Variants in MSH3 observed in about 807,000 individuals in gnomAD.
MSH3 encodes DNA mismatch repair protein Msh3.
Under a neutral mutation model 123.3 loss-of-function variants are expected in MSH3, and 106 were observed. The observed-to-expected ratio is 0.86, with a 90% CI of 0.73 to 1.01. The LOEUF (loss-of-function observed/expected upper bound fraction) is 1.01, where lower values mean the gene tolerates loss of function less well. Ranked by LOEUF, MSH3 falls within the 50% of genes least tolerant of loss-of-function variation. The probability of loss-of-function intolerance (pLI) is 0.00; values close to 1 mark genes in which losing one functional copy is unlikely to be tolerated. For missense variants in MSH3, 1,459 were observed against 1,347.6 expected (o/e 1.08, Z -1.29); for synonymous variants, 515 against 481.4 (o/e 1.07, Z -0.91).
In MSH3 at chr5:80,866,246, C is replaced by T. The variant is rs547317125; in HGVS notation, c.3130+1304C>T. 9.2e-5 allele frequency among the ~76,000 whole-genome samples: 14 copies of T among 152,246 alleles called. No homozygotes were observed. The East Asian group carries it at 2.7e-3, about 29-fold the overall frequency. On this transcript the variant is annotated intron_variant, in intron 22 of 23. Coordinates refer to ENST00000265081, the MANE Select transcript of MSH3 (RefSeq NM_002439.5). ...CACAACCTCCCAGGCCCAGGTGATC[C>T]TCCCATGTCAGCCTCCCCGGTAGCT...
chr5:80,808,884 C>CTATATATATATATATATATATATAT (rs1561485262), intron 19 of MSH3, among the ~76,000 whole-genome samples: 2 of 118,676 alleles, frequency 1.7e-5, no homozygotes, highest in African/African-American at 3.0e-5. Flanking sequence ...TATATATATA[C>CTATATATATATATATATATATATAT]ACAATCTAAA....
At chr5:80,806,562 C>A (rs932506900) in intron 19 of MSH3, among the ~76,000 whole-genome samples, 3 of 152,088 alleles carry the variant, frequency 2.0e-5, no homozygotes, top group Non-Finnish European at 4.4e-5. Context: ...CTGTTCTGAA[C>A]TCTTATTTTT....
intron 20 of MSH3, among the ~76,000 whole-genome samples, chr5:80,833,178 T>G (rs1745449224): frequency 6.6e-6 from 1 of 152,098 alleles, no homozygotes; most frequent in South Asian, 2.1e-4. Flanking sequence ...CAGCTGCCAC[T>G]CCTAAAAATA....
chr5:80,821,157 A>G (rs1410939156), intron 20 of MSH3, among the ~76,000 whole-genome samples: 1 of 152,200 alleles, frequency 6.6e-6, no homozygotes, highest in Admixed American at 6.5e-5. Context: ...TCCCATCTCT[A>G]TGACACTTTG....
intron 22 of MSH3, among the ~76,000 whole-genome samples, chr5:80,870,387 G>A (rs1033378892): frequency 1.4e-4 from 21 of 152,054 alleles, no homozygotes; most frequent in African/African-American, 5.1e-4. Flanking sequence ...CACAGTTGAA[G>A]TGATAAACTA....
Position 80,654,729 on chromosome 5 carries a change from TGTCTCGCCGGAAGCCTGCGTCGG to T in MSH3, c.4_26del (p.Ser2_?9), listed in dbSNP as rs1749185007. 1 of 1,598,482 alleles carries T rather than the reference TGTCTCGCCGGAAGCCTGCGTCGG, an allele frequency of 6.3e-7. No homozygotes were observed. The highest frequency in any genetic ancestry group is 1.7e-5 in the Admixed American group (1 of 58,852). On this transcript the variant is annotated frameshift_variant and start_lost, in exon 1 of 24. Coordinates refer to ENST00000265081, the MANE Select transcript of MSH3 (RefSeq NM_002439.5). LOFTEE classifies it high-confidence loss of function. The stretch of plus-strand genomic sequence containing the variant: ...CCGGGCTGCCATCCTTGCCCTGCCA[TGTCTCGCCGGAAGCCTGCGTCGG>T]GCGGCCTCGCTGCCTCCAGCTCAGC...
chr5:80,725,690 A>C, intron 9 of MSH3, 125 bp downstream of exon 9: 2 of 730,282 alleles, frequency 2.7e-6, no homozygotes, highest in Non-Finnish European at 2.4e-6. Flanking sequence ...AGAAGAGCTC[A>C]CTGTTGTTGT....
intron 3 of MSH3, among the ~76,000 whole-genome samples, chr5:80,666,705 C>T (rs1749582301): frequency 6.6e-6 from 1 of 152,070 alleles, no homozygotes; most frequent in African/African-American, 2.4e-5. Flanking sequence ...AGAGGGGGCA[C>T]GTAGAAGCAG....
At chr5:80,682,322 GGTT>G (rs1749990784) in intron 8 of MSH3, among the ~76,000 whole-genome samples, 5 of 152,082 alleles carry the variant, frequency 3.3e-5, no homozygotes, top group Admixed American at 2.6e-4. Flanking sequence ...TACCTCATGG[GGTT>G]GTTGTGAGGA....
At position 80,854,268 on chromosome 5, in the gene MSH3, T is replaced by G; in HGVS notation, c.2952T>G (p.His984Gln). Residue 984 changes from histidine to glutamine, a missense_variant, in exon 21 of 24, where the codon CAT becomes CAG. His to Gln is a conservative substitution (Grantham distance 24). Transcript: ENST00000265081. ...LDELGRGTST[H>Q]DGIAIAYATL... ...AACTAGGAAGAGGGACGAGCACTCA[T>G]GATGGAATTGCCATTGCCTATGCTA... 6.2e-7 allele frequency: 1 copy of G among 1,613,994 alleles called. No homozygotes were observed. Among genetic ancestry groups the G allele is most frequent in the Non-Finnish European group, 8.5e-7 (1 of 1,179,928 alleles).
intron 20 of MSH3, among the ~76,000 whole-genome samples, chr5:80,817,118 T>A (rs75325392): frequency 0.013 from 2,003 of 152,164 alleles, 42 homozygotes; most frequent in African/African-American, 0.046. Context: ...GATTTCATAG[T>A]TGAGTAAGAA....
chr5:80,817,180 A>G (rs1193734911), intron 20 of MSH3, among the ~76,000 whole-genome samples: 1 of 152,216 alleles, frequency 6.6e-6, no homozygotes, highest in Non-Finnish European at 1.5e-5. Context: ...CAGGAGAGAA[A>G]AACAGGACAT....
intron 19 of MSH3, among the ~76,000 whole-genome samples, chr5:80,809,437 C>CT (rs2112048323): frequency 6.6e-6 from 1 of 152,278 alleles, no homozygotes; most frequent in East Asian, 1.9e-4. Context: ...TATAAATACT[C>CT]TTATCTTTCA....
intron 15 of MSH3, among the ~76,000 whole-genome samples, chr5:80,771,519 A>G (rs1744213176): frequency 6.6e-6 from 1 of 151,320 alleles, no homozygotes; most frequent in African/African-American, 2.4e-5. Context: ...CAAATTATTT[A>G]GAGGTACTTA....
At chr5:80,816,168 T>C (rs1381934085) in intron 20 of MSH3, among the ~76,000 whole-genome samples, 3 of 152,240 alleles carry the variant, frequency 2.0e-5, no homozygotes, top group African/African-American at 4.8e-5. Flanking sequence ...CAGTTTTTGA[T>C]TTCATGAAAG....
intron 19 of MSH3, among the ~76,000 whole-genome samples, chr5:80,808,861 A>ATATATATATATATC (rs1248778231): frequency 1.9e-5 from 2 of 103,030 alleles, no homozygotes; most frequent in Admixed American, 1.0e-4. Flanking sequence ...TCTTCTTCAT[A>ATATATATATATATC]TATATATATA....
intron 6 of MSH3, 96 bp from the exon 7 acceptor site, chr5:80,674,887 A>C: frequency 1.8e-6 from 2 of 1,136,850 alleles, no homozygotes; most frequent in Admixed American, 4.1e-5. Flanking sequence ...GCTGTGAACC[A>C]TTATTTTAAA....
intron 20 of MSH3, among the ~76,000 whole-genome samples, chr5:80,825,532 TA>T (rs1745278097): frequency 6.6e-6 from 1 of 152,194 alleles, no homozygotes; most frequent in Non-Finnish European, 1.5e-5. Flanking sequence ...TTTGCAAATA[TA>T]AACAGTCATA....
chr5:80,699,032 G>T (rs1750548688), intron 8 of MSH3, among the ~76,000 whole-genome samples: 1 of 152,162 alleles, frequency 6.6e-6, no homozygotes, highest in African/African-American at 2.4e-5. Flanking sequence ...CACAGGGCCT[G>T]GATAAAGAGT....
Sources: gnomAD v4.1 joint callset for allele counts (sites outside exome capture counted in the v4.1 genomes callset) on GRCh38, gnomAD v4.1.1 for gene constraint, MANE v1.5 for transcripts, NCBI Gene and HGNC (gene_info 2026-07-23, HGNC 2026-07-21) for gene names.